Variants in AP2B1 observed in about 807,000 individuals in gnomAD.
The protein encoded by AP2B1 is adaptor related protein complex 2 subunit beta 1, also known as AP-2 complex subunit beta.
AP2B1 carries 23 observed loss-of-function variants against 102.0 expected under a neutral mutation model. That is an observed-to-expected ratio of 0.23 (90% confidence interval 0.16 to 0.32). The LOEUF (loss-of-function observed/expected upper bound fraction) is 0.32, where lower values mean the gene tolerates loss of function less well. Among genes scored for constraint, AP2B1 ranks in the 10% least tolerant of loss-of-function variants. The pLI is 1.00. For synonymous variants in AP2B1, 381 were observed against 421.2 expected, an observed-to-expected ratio of 0.90 and a Z score of 1.17; for missense variants, 541 against 1,157.4, an observed-to-expected ratio of 0.47 and a Z score of 7.73.
intron 11 of AP2B1, 68 bp downstream of exon 11, chr17:35,639,828 A>G: frequency 7.0e-7 from 1 of 1,428,202 alleles, no homozygotes. Context: ...GAGAAAGCAA[A>G]GGTTATAGGC....
intron 16 of AP2B1, among the ~76,000 whole-genome samples, chr17:35,672,491 C>G (rs538276893): frequency 5.9e-5 from 9 of 152,162 alleles, no homozygotes; most frequent in Non-Finnish European, 8.8e-5. Context: ...CTAGGCCAGG[C>G]TTCATACAGT....
At chr17:35,662,693 A>C (rs1303622271) in intron 14 of AP2B1, among the ~76,000 whole-genome samples, 1 of 152,056 alleles carries the variant, frequency 6.6e-6, no homozygotes, top group East Asian at 1.9e-4. Flanking sequence ...TTATGTGCTC[A>C]TGAGTCTGAC....
In AP2B1 at chr17:35,675,633, C is replaced by CT. The variant is rs1199828767; in HGVS notation, c.2324+1325dup. On this transcript the variant is annotated intron_variant, in intron 17 of 21. Transcript: ENST00000610402. The stretch of plus-strand genomic sequence containing the variant: ...TTCATCTCTAGCCTTTTTTTTTTTC[C>CT]TTTTTTTTTTTTTGTGGGGGGATGG... Among the ~76,000 whole-genome samples the CT allele has an allele frequency of 7.3e-3, 1,005 of 137,584 alleles. 5 individuals carry two copies. Among genetic ancestry groups the CT allele is most frequent in the African/African-American group, 0.019 (714 of 37,536 alleles). 90.3% of individuals were successfully genotyped at this position (137,584 alleles called of 152,430 possible). A position where few individuals can be genotyped will look rare whatever the true frequency, so the allele number is the denominator to read the frequency against.
At chr17:35,720,571 ATATT>A (rs1473140136) in intron 21 of AP2B1, among the ~76,000 whole-genome samples, 23 of 44,182 alleles carry the variant, frequency 5.2e-4, no homozygotes, top group South Asian at 2.1e-3. Flanking sequence ...ATATATATAT[ATATT>A]TTTTTTTTTT....
intron 13 of AP2B1, among the ~76,000 whole-genome samples, chr17:35,653,839 C>A (rs1160823345): frequency 6.6e-6 from 1 of 152,104 alleles, no homozygotes; most frequent in Admixed American, 6.5e-5. Flanking sequence ...GGGCATGAGC[C>A]ACCGTGCCCA....
chr17:35,653,445 G>GTTTTGT (rs1374022681), intron 13 of AP2B1, among the ~76,000 whole-genome samples: 1 of 151,958 alleles, frequency 6.6e-6, no homozygotes, highest in Non-Finnish European at 1.5e-5. Flanking sequence ...CAGTCCCTTG[G>GTTTTGT]TTTTGTTTTT....
At chr17:35,654,068 CT>C (rs1308629225) in intron 13 of AP2B1, among the ~76,000 whole-genome samples, 52 of 146,048 alleles carry the variant, frequency 3.6e-4, no homozygotes, top group Non-Finnish European at 3.2e-4. Context: ...ATTTTTTTTA[CT>C]TTTTTTTTTT....
chr17:35,628,298 C>T lies in AP2B1; in HGVS notation c.1155+572C>T, dbSNP rs200259560. Reference sequence around the variant, plus strand: ...GGATTTGGAGACATGACTGGGCTGCCATATCTCTAAATAATATTCTTGGCT... The same window carrying T: ...GGATTTGGAGACATGACTGGGCTGCTATATCTCTAAATAATATTCTTGGCT... On this transcript the variant is annotated intron_variant, in intron 9 of 21. Transcript: ENST00000610402. Among the ~76,000 whole-genome samples, 3 of 152,126 alleles carry T rather than the reference C, an allele frequency of 2.0e-5. No individual in the cohort carries two copies. The East Asian group carries it at 5.8e-4, about 29-fold the overall frequency.
chr17:35,600,587 G>C (rs1391072885), intron 3 of AP2B1, among the ~76,000 whole-genome samples: 1 of 152,118 alleles, frequency 6.6e-6, no homozygotes, highest in Non-Finnish European at 1.5e-5. Context: ...GAATCTAGCT[G>C]TTTTTATTTC....
intron 1 of AP2B1, among the ~76,000 whole-genome samples, chr17:35,590,504 T>C (rs1167806605): frequency 1.3e-5 from 2 of 152,220 alleles, no homozygotes; most frequent in Admixed American, 1.3e-4. Flanking sequence ...ATTTTCATTT[T>C]TCTTGGAGTT....
chr17:35,596,738 C>G (rs1307692015), intron 2 of AP2B1, among the ~76,000 whole-genome samples: 2 of 152,132 alleles, frequency 1.3e-5, no homozygotes, highest in African/African-American at 4.8e-5. Context: ...CGGCGCACAC[C>G]CAGAGCGGGC....
intron 13 of AP2B1, among the ~76,000 whole-genome samples, chr17:35,655,560 A>G (rs76102595): frequency 0.01 from 1,539 of 152,140 alleles, 20 homozygotes; most frequent in African/African-American, 0.035. Flanking sequence ...TATATCTTCT[A>G]TTGCACCTTT....
intron 5 of AP2B1, among the ~76,000 whole-genome samples, chr17:35,611,484 C>T (rs572836171): frequency 3.8e-4 from 57 of 151,574 alleles, no homozygotes; most frequent in African/African-American, 9.5e-4. Flanking sequence ...TGTGTGTGCG[C>T]GCGCGCACGT....
At position 35,691,368 on chromosome 17, in the gene AP2B1, G is replaced by A. The variant is rs141037611; in HGVS notation, c.2454+8544G>A. ...GATATTTCATGTCTTGCATATGTCC[G>A]TTCACACTCAGAAAGCCCACAGCTA... On this transcript the variant is annotated intron_variant, in intron 18 of 21. Transcript: ENST00000610402. Among the ~76,000 whole-genome samples, 1,130 of 152,248 alleles carry A rather than the reference G, an allele frequency of 7.4e-3. 6 individuals are homozygous for A. The highest frequency in any genetic ancestry group is 0.02 in the Middle Eastern group (6 of 294).
chr17:35,660,481 CT>C (rs71366472), intron 14 of AP2B1, among the ~76,000 whole-genome samples: 4,270 of 127,678 alleles, frequency 0.033, 77 homozygotes, highest in East Asian at 0.17. Flanking sequence ...TTTTCTCTCT[CT>C]TTTTTTTTTT....
chr17:35,649,120 A>G (rs2075019000), intron 12 of AP2B1, among the ~76,000 whole-genome samples: 1 of 152,256 alleles, frequency 6.6e-6, no homozygotes. Context: ...CAGGCAGTGT[A>G]TTGTTACCTC....
rs1299720664 is a variant in AP2B1, at chr17:35,726,085, G to A, written c.*2386G>A. The A allele has an allele frequency of 6.6e-6, 1 of 152,200 alleles. No homozygotes were observed. Among genetic ancestry groups the A allele is most frequent in the Admixed American group, 6.5e-5 (1 of 15,286 alleles). The allele number at this position is 152,200 out of a possible 1,614,324, so 9.4% of individuals were successfully genotyped here. ...AAGCTTGGCCAAATTGGGGAAGTGGGATGGAGGTTGCCCTGCATCCCCCCT... is the reference window on the plus strand; with the variant it reads ...AAGCTTGGCCAAATTGGGGAAGTGGAATGGAGGTTGCCCTGCATCCCCCCT... On this transcript the variant is annotated 3_prime_UTR_variant, in exon 22 of 22. Transcript: ENST00000610402.
chr17:35,638,007 T>TTTTG (rs953366832), intron 10 of AP2B1, among the ~76,000 whole-genome samples: 3 of 151,740 alleles, frequency 2.0e-5, no homozygotes, highest in Admixed American at 1.3e-4. Context: ...TAATTAACTT[T>TTTTG]TTTGTTTGTT....
chr17:35,629,104 A>G (rs1165206054), intron 9 of AP2B1, among the ~76,000 whole-genome samples: 1 of 151,990 alleles, frequency 6.6e-6, no homozygotes, highest in Admixed American at 6.6e-5. Flanking sequence ...ATACGCTACC[A>G]CACCTAGCTA....
Sources: gnomAD v4.1 joint callset for allele counts (sites outside exome capture counted in the v4.1 genomes callset) on GRCh38, gnomAD v4.1.1 for gene constraint, MANE v1.5 for transcripts, NCBI Gene and HGNC (gene_info 2026-07-23, HGNC 2026-07-21) for gene names.